PRR14L: variants seen among roughly 807,000 people sequenced by gnomAD.
PRR14L encodes the protein protein PRR14L.
In PRR14L, 80 loss-of-function variants were observed where a neutral mutation model predicts 155.0. The observed-to-expected ratio is 0.52, with a 90% confidence interval of 0.43 to 0.62. The LOEUF is 0.62. Ranked by LOEUF, PRR14L falls within the 20% of genes least tolerant of loss-of-function variation. The probability of loss-of-function intolerance (pLI) is 0.00; values close to 1 mark genes in which losing one functional copy is unlikely to be tolerated. For missense variants in PRR14L, 2,469 were observed against 2,548.0 expected, an observed-to-expected ratio of 0.97 and a Z score of 0.67; for synonymous variants, 883 against 916.0, an observed-to-expected ratio of 0.96 and a Z score of 0.65.
chr22:31,698,240 G>A (rs1473205420), intron 7 of PRR14L, among the ~76,000 whole-genome samples: 1 of 151,958 alleles, frequency 6.6e-6, no homozygotes, highest in East Asian at 1.9e-4. Context: ...GGCCAGGCTG[G>A]TCTTGAACTC....
chr22:31,725,539 T>C lies in PRR14L; in HGVS notation c.546A>G (p.Lys182=). 6.5e-7 allele frequency: 1 copy of C among 1,543,886 alleles called. No individual in the cohort carries two copies. The highest frequency in any genetic ancestry group is 8.8e-7 in the Non-Finnish European group (1 of 1,139,888). ...AAGAGATTTGAGAGAAATAAATACC[T>C]TTGCTCCTTAGAAAATCTTCAGGGA... is the stretch of plus-strand genomic sequence containing the variant. ...VDLPEDFLRS[K]EGNVQITAET... Residue 182 remains lysine (K), a splice_region_variant and synonymous_variant, in exon 3 of 9, where the codon AAA becomes AAG. Transcript: ENST00000327423.
Position 31,685,658 on chromosome 22 carries a change from C to T in PRR14L, c.6325G>A (p.Gly2109Ser), listed in dbSNP as rs1442289968. The T allele has an allele frequency of 1.3e-6, 2 of 1,551,738 alleles. No homozygotes were observed. The highest frequency in any genetic ancestry group is 2.4e-5 in the East Asian group (1 of 40,938). ...GCCTTCTGGGCCCTGGTAAAGCTGC[C>T]TGCCACCTTGACTTTGCCTCGAGCT... Reference protein sequence around the residue: ...RRARGKVKVAGSFTRAQKAAV... With the variant: ...RRARGKVKVASSFTRAQKAAV... Residue 2109 changes from glycine to serine, a missense_variant, in exon 9 of 9, where the codon GGC (glycine) becomes AGC (serine). Around this residue, in one of 2 missense-constraint regions of PRR14L, gnomAD observed 106 missense variants for 176.4 expected, o/e 0.60. Transcript: ENST00000327423.
intron 7 of PRR14L, among the ~76,000 whole-genome samples, chr22:31,693,030 T>A (rs1014931293): frequency 6.6e-6 from 1 of 152,144 alleles, no homozygotes; most frequent in African/African-American, 2.4e-5. Context: ...ATATAGCCCC[T>A]ACCCTCACAC....
intron 7 of PRR14L, among the ~76,000 whole-genome samples, chr22:31,694,720 C>T (rs7284098): frequency 6.6e-6 from 1 of 151,314 alleles, no homozygotes; most frequent in African/African-American, 2.4e-5. Flanking sequence ...CCACTGCACT[C>T]CAGCCTGGGT....
intron 4 of PRR14L, among the ~76,000 whole-genome samples, chr22:31,709,811 G>A (rs1041907353): frequency 6.6e-6 from 1 of 151,678 alleles, no homozygotes; most frequent in Non-Finnish European, 1.5e-5. Context: ...AAAGTGCTAG[G>A]ATTACAGGCA....
rs573102814 is a variant in PRR14L at position 31,704,427 on chromosome 22, T to G, written c.5828+228A>C. 1.0e-5 allele frequency: 4 copies of G among 392,944 alleles called. 1 individual carries two copies. In the South Asian group the frequency reaches 1.5e-4, roughly 15 times the overall value. The allele number at this position is 392,944 out of a possible 1,614,324, so 24.3% of individuals were successfully genotyped here. A position where few individuals can be genotyped will look rare whatever the true frequency, so the allele number is the denominator to read the frequency against. The stretch of plus-strand genomic sequence containing the variant: ...TGGTACAATAAGCTGGTTAGTGATT[T>G]TCACTTTTTTTTTTTTAACAAATTG... On this transcript the variant is annotated intron_variant, in intron 5 of 8. Coordinates refer to ENST00000327423, the MANE Select transcript of PRR14L (RefSeq NM_173566.3).
At chr22:31,737,468 AAG>A (rs1242152341) in intron 2 of PRR14L, among the ~76,000 whole-genome samples, 1 of 150,982 alleles carries the variant, frequency 6.6e-6, no homozygotes, top group Non-Finnish European at 1.5e-5. Context: ...GTGACAGAGC[AAG>A]ACTCTGTCTC....
At position 31,738,801 on chromosome 22, in the gene PRR14L, C is replaced by G; in HGVS notation, c.60G>C (p.Val20=). 6.4e-7 allele frequency: 1 copy of G among 1,550,414 alleles called. No individual in the cohort carries two copies. Among genetic ancestry groups the G allele is most frequent in the Non-Finnish European group, 8.7e-7 (1 of 1,147,074 alleles). ...GGAGTTCAGAGTATAATTCCTGTAC[C>G]ACGGCAGACATGGAGGAATCAAGTG... ...PVPLDSSMSA[V]VQELYSELPV... is the part of the protein sequence containing the mutation. Residue 20 remains valine (V), a synonymous_variant, in exon 2 of 9, where the codon GTG becomes GTC. Transcript: ENST00000327423.
intron 2 of PRR14L, 73 bp from the exon 3 acceptor site, chr22:31,725,683 ATTT>A: frequency 3.3e-6 from 3 of 919,986 alleles, no homozygotes; most frequent in African/African-American, 1.7e-5. Flanking sequence ...TATTATTATT[ATTT>A]TTTGAGACAG....
At chr22:31,746,266 C>A (rs1255095637) in intron 1 of PRR14L, among the ~76,000 whole-genome samples, 4 of 152,124 alleles carry the variant, frequency 2.6e-5, no homozygotes, top group Non-Finnish European at 5.9e-5. Flanking sequence ...AAAATGTTGT[C>A]TAACCATTAT....
rs1446706567 is a variant in PRR14L at position 31,713,944 on chromosome 22, T to C, written c.3895A>G (p.Ser1299Gly). Residue 1299 changes from serine (S) to glycine (G), a missense_variant, in exon 4 of 9, where the codon AGC (serine) becomes GGC (glycine). Ser to Gly is a moderately conservative substitution (Grantham distance 56). Transcript: ENST00000327423. ...TTCTTTTCCACACAGGTACATACGC[T>C]GTCTCTGTCACTAGAATTACTCCAA... Reference protein sequence around the residue: ...RDWSNSSDRDSVCTCVEKNAC... With the variant: ...RDWSNSSDRDGVCTCVEKNAC... 2.6e-6 allele frequency: 4 copies of C among 1,551,862 alleles called. No homozygotes were observed. The South Asian group carries it at 3.6e-5, about 14-fold the overall frequency.
At chr22:31,697,725 G>A (rs904420090) in intron 7 of PRR14L, among the ~76,000 whole-genome samples, 23 of 152,056 alleles carry the variant, frequency 1.5e-4, no homozygotes, top group African/African-American at 5.1e-4. Flanking sequence ...AATTAGCTGG[G>A]CATGGTAGCA....
intron 7 of PRR14L, among the ~76,000 whole-genome samples, chr22:31,697,458 G>A (rs1370526902): frequency 6.6e-6 from 1 of 152,134 alleles, no homozygotes; most frequent in African/African-American, 2.4e-5. Context: ...ACTTAGGAAA[G>A]AGAGCTTCAA....
In PRR14L at chr22:31,689,573, G is replaced by T. The variant is rs73402182; in HGVS notation, c.6108-1346C>A. Among the ~76,000 whole-genome samples, 1,318 of 151,128 alleles carry T rather than the reference G, an allele frequency of 8.7e-3. 17 individuals are homozygous for T. Among genetic ancestry groups the T allele is most frequent in the African/African-American group, 0.029 (1,204 of 41,276 alleles). On this transcript the variant is annotated intron_variant, in intron 7 of 8. Coordinates refer to ENST00000327423, the MANE Select transcript of PRR14L (RefSeq NM_173566.3). The stretch of plus-strand genomic sequence containing the variant: ...GATCACCACTATCTAATCAAGACCA[G>T]TTTTTTTTTGAGACAGGGTCTTGTG...
Position 31,715,963 on chromosome 22 carries a change from GTTCATCTA to G in PRR14L, c.1868_1875del (p.Leu623SerfsTer6). The G allele has an allele frequency of 6.4e-7, 1 of 1,551,644 alleles. No homozygotes were observed. The stretch of plus-strand genomic sequence containing the variant: ...TCATTCATCTCACAGGCTATGCTCT[GTTCATCTA>G]AAAGTGGAATATCATCATGTGAGGT... On this transcript the variant is annotated frameshift_variant, in exon 4 of 9. Transcript: ENST00000327423. LOFTEE classifies it high-confidence loss of function.
In PRR14L at chr22:31,717,926, A is replaced by ATT. The variant is rs531724278; in HGVS notation, c.548-637_548-636dup. Among the ~76,000 whole-genome samples, 1,161 of 134,486 alleles carry ATT rather than the reference A, an allele frequency of 8.6e-3. 16 individuals carry two copies. Among genetic ancestry groups the ATT allele is most frequent in the African/African-American group, 0.031 (1,104 of 36,192 alleles). The allele number at this position is 134,486 out of a possible 152,430, so 88.2% of individuals were successfully genotyped here. Reference sequence around the variant, plus strand: ...AGGTGCCTGCAACCACCCCCAGCTAATTTTTTTTTTTTTTTTTTGAGATGG... The same window carrying ATT: ...AGGTGCCTGCAACCACCCCCAGCTAATTTTTTTTTTTTTTTTTTTTGAGATGG... On this transcript the variant is annotated intron_variant, in intron 3 of 8. Coordinates refer to ENST00000327423, the MANE Select transcript of PRR14L (RefSeq NM_173566.3).
At chr22:31,689,884 T>C (rs1435298498) in intron 7 of PRR14L, among the ~76,000 whole-genome samples, 2 of 151,390 alleles carry the variant, frequency 1.3e-5, no homozygotes, top group African/African-American at 4.8e-5. Context: ...TAGCTGGAAT[T>C]ACAGGCATCC....
rs369744503 is a variant in PRR14L at position 31,737,019 on chromosome 22, C to G, written c.474+1368G>C. On this transcript the variant is annotated intron_variant, in intron 2 of 8. Transcript: ENST00000327423. ...CACCACTGCACTCCAGCCTGGGAGA[C>G]AGTGAGAGACTCAAAAAAAAAAAAA... Among the ~76,000 whole-genome samples, 9 of 98,664 alleles carry G rather than the reference C, an allele frequency of 9.1e-5. 1 individual carries two copies. The highest frequency in any genetic ancestry group is 8.5e-4 in the Admixed American group (5 of 5,898). 64.7% of individuals were successfully genotyped at this position (98,664 alleles called of 152,430 possible). A position where few individuals can be genotyped will look rare whatever the true frequency, so the allele number is the denominator to read the frequency against.
At chr22:31,725,019 C>T (rs2074709127) in intron 3 of PRR14L, among the ~76,000 whole-genome samples, 1 of 152,156 alleles carries the variant, frequency 6.6e-6, no homozygotes, top group Non-Finnish European at 1.5e-5. Context: ...GTACATGTCT[C>T]CCCTGTTCCA....
Sources: gnomAD v4.1 joint callset for allele counts (sites outside exome capture counted in the v4.1 genomes callset) on GRCh38, gnomAD v4.1.1 for gene constraint, gnomAD v4.1.1 regional missense constraint, MANE v1.5 for transcripts, NCBI Gene and HGNC (gene_info 2026-07-23, HGNC 2026-07-21) for gene names.